Variants in MKRN1 observed in about 807,000 individuals in gnomAD.
MKRN1 encodes makorin ring finger protein 1, also known as E3 ubiquitin-protein ligase makorin-1.
Under a neutral mutation model 55.5 loss-of-function variants are expected in MKRN1, and 9 were observed. The ratio of observed to expected loss-of-function variants is 0.16; its 90% CI spans 0.10 to 0.28. The LOEUF is 0.28. MKRN1 is among the 10% of genes least tolerant of loss of function. The probability of loss-of-function intolerance (pLI) is 1.00; values close to 1 mark genes in which losing one functional copy is unlikely to be tolerated. For missense variants in MKRN1, 488 were observed against 626.7 expected (o/e 0.78, Z 2.36); for synonymous variants, 253 against 235.9 (o/e 1.07, Z -0.66).
intron 2 of MKRN1, among the ~76,000 whole-genome samples, chr7:140,470,917 C>T (rs1339618094): frequency 2.7e-5 from 4 of 150,642 alleles, no homozygotes; most frequent in Non-Finnish European, 5.9e-5. Flanking sequence ...AAGACTCGGT[C>T]TCACACACAC....
At position 140,471,912 on chromosome 7, in the gene MKRN1, T is replaced by C. The variant is rs1366164789; in HGVS notation, c.285A>G (p.Arg95=). The C allele has an allele frequency of 1.2e-6, 2 of 1,613,904 alleles. No homozygotes were observed. Among genetic ancestry groups the C allele is most frequent in the Non-Finnish European group, 1.7e-6 (2 of 1,179,998 alleles). ...PYSVVCKYFQ[R]GYCIYGDRCR... ...AGCGGTCTCCATAAATACAGTACCC[T>C]CGCTGAAAATACTTGCACACTACAC... Residue 95 remains arginine (R), a synonymous_variant, in exon 2 of 8, where the codon CGA becomes CGG. Coordinates refer to ENST00000255977, the MANE Select transcript of MKRN1 (RefSeq NM_013446.4).
intron 2 of MKRN1, among the ~76,000 whole-genome samples, chr7:140,467,287 CTTTCT>C (rs1289497578): frequency 6.6e-6 from 1 of 151,546 alleles, no homozygotes. Context: ...CCCTCCCCCA[CTTTCT>C]TTTAAGACGA....
At chr7:140,459,329 G>A in intron 3 of MKRN1, 96 bp from the exon 4 acceptor site, 3 of 1,214,618 alleles carry the variant, frequency 2.5e-6, no homozygotes, top group South Asian at 1.3e-5. Context: ...AAATAAAACT[G>A]CAATGAAATA....
At chr7:140,472,125 A>C in intron 1 of MKRN1, 114 bp from the exon 2 acceptor site, 1 of 1,409,754 alleles carries the variant, frequency 7.1e-7, no homozygotes, top group Non-Finnish European at 9.6e-7. Flanking sequence ...ATACGAAATA[A>C]ACACAAAGAA....
intron 5 of MKRN1, chr7:140,456,166 A>C: frequency 8.3e-7 from 1 of 1,210,142 alleles, no homozygotes. Context: ...AAACAAAAGA[A>C]GACATTTCAC....
At chr7:140,462,445 T>G (rs1409421770) in intron 2 of MKRN1, among the ~76,000 whole-genome samples, 1 of 152,250 alleles carries the variant, frequency 6.6e-6, no homozygotes, top group Non-Finnish European at 1.5e-5. Flanking sequence ...GGGTCATCTG[T>G]GTTATAGGTG....
intron 3 of MKRN1, 60 bp downstream of exon 3, chr7:140,459,647 G>A (rs1794560542): frequency 2.0e-6 from 3 of 1,509,630 alleles, no homozygotes; most frequent in Non-Finnish European, 2.8e-6. Flanking sequence ...TCAAAACTAA[G>A]CAAATGGATG....
Position 140,479,291 on chromosome 7 carries a change from CGCTCCT to C in MKRN1, c.48_53del (p.Gly17_Ala18del), listed in dbSNP as rs1563100501. 5 of 1,385,546 alleles carry C rather than the reference CGCTCCT, an allele frequency of 3.6e-6. No individual in the cohort carries two copies. Among genetic ancestry groups the C allele is most frequent in the African/African-American group, 1.5e-5 (1 of 65,414 alleles). The allele number at this position is 1,385,546 out of a possible 1,614,324, so 85.8% of individuals were successfully genotyped here. The stretch of plus-strand genomic sequence containing the variant: ...AGGCTGCTGCCGCCGTCGCCGCTGC[CGCTCCT>C]GCTCCTGATGTTGTGGCTGTTGTTC... On this transcript the variant is annotated inframe_deletion, in exon 1 of 8. Transcript: ENST00000255977.
chr7:140,464,355 G>A (rs1411037224), intron 2 of MKRN1, among the ~76,000 whole-genome samples: 1 of 151,926 alleles, frequency 6.6e-6, no homozygotes, highest in African/African-American at 2.4e-5. Flanking sequence ...AGTGAGTCAC[G>A]ATCACACCAC....
chr7:140,472,089 T>C, intron 1 of MKRN1, 78 bp from the exon 2 acceptor site: 12 of 1,573,058 alleles, frequency 7.6e-6, no homozygotes, highest in African/African-American at 1.4e-5. Flanking sequence ...TCATGACTAA[T>C]ATATTCAACC....
In MKRN1 at chr7:140,471,211, C is replaced by T. The variant is rs1585490474; in HGVS notation, c.314+672G>A. Among the ~76,000 whole-genome samples, 3 of 152,060 alleles carry T rather than the reference C, an allele frequency of 2.0e-5. No homozygotes were observed. In the East Asian group the frequency reaches 5.8e-4, roughly 29 times the overall value. On this transcript the variant is annotated intron_variant, in intron 2 of 7. Transcript: ENST00000255977. ...CCAGCCTACGCAACATATTAAGACC[C>T]CCATCTCTACAAAAAACTAAATAAA...
intron 1 of MKRN1, among the ~76,000 whole-genome samples, chr7:140,477,624 A>G (rs1795164877): frequency 6.6e-6 from 1 of 151,302 alleles, no homozygotes; most frequent in Non-Finnish European, 1.5e-5. Context: ...GCCCGGCCTA[A>G]TTTTTGTATT....
intron 5 of MKRN1, chr7:140,456,103 C>T: frequency 9.7e-7 from 1 of 1,028,248 alleles, no homozygotes; most frequent in Non-Finnish European, 1.3e-6. Context: ...AACTCAAGGG[C>T]TAGCCAGTTC....
intron 1 of MKRN1, among the ~76,000 whole-genome samples, chr7:140,476,793 T>C (rs1186329081): frequency 6.6e-6 from 1 of 151,600 alleles, no homozygotes; most frequent in Non-Finnish European, 1.5e-5. Context: ...ACGATAAGGA[T>C]CATAGACCGG....
intron 4 of MKRN1, among the ~76,000 whole-genome samples, chr7:140,458,056 C>T (rs1343360085): frequency 2.0e-5 from 3 of 152,184 alleles, no homozygotes; most frequent in African/African-American, 7.2e-5. Flanking sequence ...CCTACCCTGG[C>T]TCCCATACAC....
Position 140,456,803 on chromosome 7 carries a change from T to C in MKRN1, c.835A>G (p.Met279Val), listed in dbSNP as rs750508198. The change falls in exon 5 of 8, where the codon ATG becomes GTG. Residue 279 changes from methionine (M) to valine (V), a missense_variant. By Grantham distance (21) the Met-to-Val change is conservative. This residue lies in a region of MKRN1 where 278 missense variants were observed against 406.7 expected (regional missense o/e 0.68). Transcript: ENST00000255977. ...LSFAVQRSKD[M>V]VCGICMEVVY... ...ACCTCCATGCAGATCCCACACACCA[T>C]GTCCTTGCTGCGCTGCACGGCAAAT... is the stretch of plus-strand genomic sequence containing the variant. 7.4e-6 allele frequency: 12 copies of C among 1,613,988 alleles called. No homozygotes were observed. Among genetic ancestry groups the C allele is most frequent in the South Asian group, 1.1e-5 (1 of 91,082 alleles).
At chr7:140,477,599 G>C (rs776904077) in intron 1 of MKRN1, among the ~76,000 whole-genome samples, 1 of 152,136 alleles carries the variant, frequency 6.6e-6, no homozygotes, top group Non-Finnish European at 1.5e-5. Context: ...TGGGATTACA[G>C]GTGTGAGCCA....
In MKRN1 at chr7:140,479,314, C is replaced by A. The variant is rs1171646602; in HGVS notation, c.31G>T (p.Ala11Ser). Residue 11 changes from alanine to serine, a missense_variant, in exon 1 of 8, where the codon GCC becomes TCC. Coordinates refer to ENST00000255977, the MANE Select transcript of MKRN1 (RefSeq NM_013446.4). The stretch of plus-strand genomic sequence containing the variant: ...GCCGCTCCTGCTCCTGATGTTGTGG[C>A]TGTTGTTCCGGGAGTTGCAGCCTCC... Reference protein sequence around the residue: MAEAATPGTTATTSGAGAAAA... With the variant: MAEAATPGTTSTTSGAGAAAA... 2.3e-6 allele frequency: 3 copies of A among 1,321,356 alleles called. No individual in the cohort carries two copies. In the East Asian group the frequency reaches 9.3e-5, roughly 41 times the overall value. The allele number at this position is 1,321,356 out of a possible 1,614,324, so 81.9% of individuals were successfully genotyped here.
intron 2 of MKRN1, among the ~76,000 whole-genome samples, chr7:140,469,083 T>G (rs1383772267): frequency 1.3e-5 from 2 of 152,096 alleles, no homozygotes; most frequent in East Asian, 3.9e-4. Flanking sequence ...TCTCAGCACT[T>G]TGGGAGGCTG....
Sources: gnomAD v4.1 joint callset for allele counts (sites outside exome capture counted in the v4.1 genomes callset) on GRCh38, gnomAD v4.1.1 for gene constraint, gnomAD v4.1.1 regional missense constraint, MANE v1.5 for transcripts, NCBI Gene and HGNC (gene_info 2026-07-23, HGNC 2026-07-21) for gene names.